The following ODAD2 variants were observed in gnomAD, a reference collection of about 807,000 sequenced individuals.
The protein encoded by ODAD2 is outer dynein arm-docking complex subunit 2.
ODAD2 carries 89 observed loss-of-function variants against 106.8 expected under a neutral mutation model. That is an observed-to-expected ratio of 0.83 (90% CI 0.70 to 0.99). The LOEUF (loss-of-function observed/expected upper bound fraction) is 0.99, where lower values mean the gene tolerates loss of function less well. Among genes scored for constraint, ODAD2 ranks in the 50% least tolerant of loss-of-function variants. The pLI, the probability that ODAD2 is intolerant of heterozygous loss-of-function variation, is 0.00. For missense variants in ODAD2, 1,168 were observed against 1,238.5 expected (o/e 0.94, Z 0.85); for synonymous variants, 404 against 436.2 (o/e 0.93, Z 0.92).
rs988199238 is a variant in ODAD2, at chr10:27,860,797, C to T, written c.2849G>A (p.Cys950Tyr). The change falls in exon 19 of 20, where the codon TGT becomes TAT. Residue 950 changes from cysteine (C) to tyrosine (Y), a missense_variant. Coordinates refer to ENST00000305242, the MANE Select transcript of ODAD2 (RefSeq NM_018076.5). ...HHLAEAISRC[C>Y]MWGRNRVAFG... The stretch of plus-strand genomic sequence containing the variant: ...GGCCACTCTATTCCTGCCCCACATA[C>T]AGCAACGTGAAATAGCTTCTGCTAG... 5.0e-6 allele frequency: 8 copies of T among 1,614,070 alleles called. No individual in the cohort carries two copies. The highest frequency in any genetic ancestry group is 6.8e-6 in the Non-Finnish European group (8 of 1,180,032).
intron 7 of ODAD2, among the ~76,000 whole-genome samples, chr10:27,972,590 T>C (rs746793265): frequency 4.6e-5 from 7 of 152,146 alleles, no homozygotes; most frequent in Non-Finnish European, 8.8e-5. Flanking sequence ...AAGAATAGTT[T>C]ATGCAAACAA....
At chr10:27,869,824 C>A (rs1460499044) in intron 17 of ODAD2, among the ~76,000 whole-genome samples, 1 of 152,054 alleles carries the variant, frequency 6.6e-6, no homozygotes. Context: ...CATGAGCCAC[C>A]ATGCCTGGCC....
intron 19 of ODAD2, among the ~76,000 whole-genome samples, chr10:27,837,583 T>A (rs1311638079): frequency 6.6e-6 from 1 of 152,240 alleles, no homozygotes; most frequent in Non-Finnish European, 1.5e-5. Context: ...GGCATCAAAC[T>A]GAATGATGGT....
intron 10 of ODAD2, among the ~76,000 whole-genome samples, chr10:27,949,547 G>A (rs1451786223): frequency 6.6e-6 from 1 of 152,162 alleles, no homozygotes; most frequent in African/African-American, 2.4e-5. Context: ...ATGCAAAAAC[G>A]CAGGGGAGTA....
intron 7 of ODAD2, among the ~76,000 whole-genome samples, chr10:27,978,544 G>A (rs1849334951): frequency 6.6e-6 from 1 of 152,104 alleles, no homozygotes; most frequent in South Asian, 2.1e-4. Flanking sequence ...TGTAATCCCA[G>A]CACTTTGGGA....
intron 19 of ODAD2, among the ~76,000 whole-genome samples, chr10:27,817,121 C>T (rs760236931): frequency 6.6e-6 from 1 of 152,170 alleles, no homozygotes; most frequent in African/African-American, 2.4e-5. Flanking sequence ...CTCATTCTCC[C>T]TCTCTCACTG....
intron 19 of ODAD2, among the ~76,000 whole-genome samples, chr10:27,820,369 C>T (rs1836504852): frequency 6.6e-6 from 1 of 151,842 alleles, no homozygotes. Flanking sequence ...TATTTATTCC[C>T]AAACTCTTGA....
intron 19 of ODAD2, among the ~76,000 whole-genome samples, chr10:27,851,131 C>G (rs1316206630): frequency 6.6e-6 from 1 of 152,126 alleles, no homozygotes; most frequent in Non-Finnish European, 1.5e-5. Flanking sequence ...GAATAATCTT[C>G]TAAACTCCTG....
intron 17 of ODAD2, among the ~76,000 whole-genome samples, chr10:27,903,870 A>AT (rs1259428540): frequency 2.0e-5 from 3 of 152,152 alleles, no homozygotes; most frequent in African/African-American, 7.2e-5. Flanking sequence ...TGGTCACACC[A>AT]AGACAAGGGT....
chr10:27,990,691 C>T (rs1236395304), intron 2 of ODAD2, among the ~76,000 whole-genome samples: 2 of 152,034 alleles, frequency 1.3e-5, no homozygotes, highest in Admixed American at 6.6e-5. Context: ...TTGAGTGTAA[C>T]CTTAGAGATC....
At chr10:27,967,718 C>A (rs1321088979) in intron 9 of ODAD2, among the ~76,000 whole-genome samples, 1 of 151,888 alleles carries the variant, frequency 6.6e-6, no homozygotes, top group Non-Finnish European at 1.5e-5. Flanking sequence ...TGGCAAAACC[C>A]CGTATCTACT....
chr10:27,819,048 T>C (rs968074258), intron 19 of ODAD2, among the ~76,000 whole-genome samples: 4 of 152,186 alleles, frequency 2.6e-5, no homozygotes, highest in African/African-American at 9.6e-5. Context: ...GAATTAAACA[T>C]ACATCTTTAA....
intron 16 of ODAD2, among the ~76,000 whole-genome samples, chr10:27,910,274 G>A (rs760935246): frequency 2.0e-5 from 3 of 152,068 alleles, no homozygotes; most frequent in African/African-American, 4.8e-5. Flanking sequence ...TTTGATCAGC[G>A]CTTGTTAAAC....
intron 10 of ODAD2, among the ~76,000 whole-genome samples, chr10:27,949,551 G>A (rs934913586): frequency 6.6e-6 from 1 of 152,142 alleles, no homozygotes; most frequent in African/African-American, 2.4e-5. Flanking sequence ...AAAAACGCAG[G>A]GGAGTAGAGC....
chr10:27,983,956 G>A lies in ODAD2; in HGVS notation c.706C>T (p.Arg236Ter), dbSNP rs1279559573. ...TSDYEFSNGC[R>*]APPWRQIRGE... is the part of the protein sequence containing the mutation. ...CGAATTTGTCTCCACGGTGGGGCTCGACATCCATTTGAAAATTCATAATCT... is the reference window on the plus strand; with the variant it reads ...CGAATTTGTCTCCACGGTGGGGCTCAACATCCATTTGAAAATTCATAATCT... The change falls in exon 6 of 20, where the codon CGA (arginine) becomes TGA (stop). Residue 236 changes from arginine to a stop codon, truncating the protein, a stop_gained. Coordinates refer to ENST00000305242, the MANE Select transcript of ODAD2 (RefSeq NM_018076.5). LOFTEE classifies it high-confidence loss of function. 1.9e-6 allele frequency: 3 copies of A among 1,607,948 alleles called. No homozygotes were observed. Among genetic ancestry groups the A allele is most frequent in the East Asian group, 2.2e-5 (1 of 44,848 alleles).
intron 9 of ODAD2, among the ~76,000 whole-genome samples, chr10:27,965,582 A>G (rs1032704891): frequency 6.6e-6 from 1 of 152,190 alleles, no homozygotes; most frequent in Admixed American, 6.5e-5. Flanking sequence ...AGTAGTGTCC[A>G]TGGGTAAGAG....
Position 27,860,697 on chromosome 10 carries a change from T to C in ODAD2, c.2949A>G (p.Thr983=). 6.2e-7 allele frequency: 1 copy of C among 1,614,198 alleles called. No individual in the cohort carries two copies. The highest frequency in any genetic ancestry group is 8.5e-7 in the Non-Finnish European group (1 of 1,180,022). Residue 983 remains threonine (T), a synonymous_variant, in exon 19 of 20, where the codon ACA becomes ACG. Coordinates refer to ENST00000305242, the MANE Select transcript of ODAD2 (RefSeq NM_018076.5). The stretch of plus-strand genomic sequence containing the variant: ...CTGAGAGTTGGTACAAGGCCTGAGC[T>C]GTCGCCCGATGCACGTTGGTGTCAT... ...KSNDTNVHRA[T]AQALYQLSED...
chr10:27,997,364 TTCTG>T (rs1395121117), intron 1 of ODAD2: 5 of 152,042 alleles, frequency 3.3e-5, no homozygotes, highest in Admixed American at 1.3e-4. Context: ...TAGGTGAAAG[TTCTG>T]TCTGTCTTTA....
chr10:27,915,389 A>T (rs1357294374), intron 16 of ODAD2, among the ~76,000 whole-genome samples: 1 of 152,212 alleles, frequency 6.6e-6, no homozygotes, highest in African/African-American at 2.4e-5. Context: ...TCAGACAGCC[A>T]TATTTTCACC....
Sources: allele counts gnomAD v4.1 joint callset (sites outside exome capture counted in the v4.1 genomes callset), GRCh38; gene constraint gnomAD v4.1.1; transcripts MANE v1.5; gene names NCBI Gene and HGNC (gene_info 2026-07-23, HGNC 2026-07-21).